Variants in RAD52 observed in about 807,000 individuals in gnomAD.
The protein encoded by RAD52 is RAD52 DNA repair protein.
In RAD52, 47 loss-of-function variants were observed where a neutral mutation model predicts 55.5. The ratio of observed to expected loss-of-function variants is 0.85; its 90% CI spans 0.67 to 1.08. The LOEUF (loss-of-function observed/expected upper bound fraction) is 1.08. Ranked by LOEUF, RAD52 falls within the 50% of genes least tolerant of loss-of-function variation. The probability of loss-of-function intolerance (pLI) is 0.00; values close to 1 mark genes in which losing one functional copy is unlikely to be tolerated. For synonymous variants in RAD52, 184 were observed against 198.9 expected (o/e 0.92, Z 0.63); for missense variants, 468 against 522.8 (o/e 0.90, Z 1.02).
chr12:940,244 C>T (rs528403513), intron 1 of RAD52, among the ~76,000 whole-genome samples: 1 of 152,130 alleles, frequency 6.6e-6, no homozygotes, highest in South Asian at 2.1e-4. Context: ...ACATGCAGAA[C>T]TTGATGAGGT....
In RAD52 at chr12:927,190, T is replaced by C. The variant is rs766364110; in HGVS notation, c.422A>G (p.Lys141Arg). 5 of 1,614,172 alleles carry C rather than the reference T, an allele frequency of 3.1e-6. No individual in the cohort carries two copies. Among genetic ancestry groups the C allele is most frequent in the South Asian group, 2.2e-5 (2 of 91,088 alleles). The change falls in exon 6 of 12, where the codon AAG becomes AGG. Residue 141 changes from lysine to arginine, a missense_variant. Transcript: ENST00000358495. ...GTCTGTCACCGCCTCCTTCCTTGCCTTCTCCAAAGATAAAGCCTTGGACTT... is the reference window on the plus strand; with the variant it reads ...GTCTGTCACCGCCTCCTTCCTTGCCCTCTCCAAAGATAAAGCCTTGGACTT... The part of the protein sequence containing the change: ...GLKSKALSLE[K>R]ARKEAVTDGL...
intron 1 of RAD52, among the ~76,000 whole-genome samples, chr12:940,336 C>T (rs1445525736): frequency 3.3e-5 from 5 of 151,674 alleles, no homozygotes; most frequent in Non-Finnish European, 7.4e-5. Context: ...CGGTGGCTCA[C>T]GCCTGTAATC....
intron 1 of RAD52, among the ~76,000 whole-genome samples, chr12:936,527 C>G (rs1804798109): frequency 6.6e-6 from 1 of 150,744 alleles, no homozygotes; most frequent in African/African-American, 2.4e-5. Flanking sequence ...GCGTCTTGCT[C>G]TGTTACCCAG....
intron 1 of RAD52, among the ~76,000 whole-genome samples, chr12:957,694 G>A (rs766350911): frequency 7.2e-5 from 11 of 152,120 alleles, no homozygotes; most frequent in Non-Finnish European, 1.6e-4. Flanking sequence ...GGAGGCTGAA[G>A]CACAAGAATC....
chr12:959,167 C>T (rs76202538), intron 1 of RAD52, among the ~76,000 whole-genome samples: 10,337 of 152,198 alleles, frequency 0.068, 418 homozygotes, highest in African/African-American at 0.085. Context: ...ATTTAGTTCT[C>T]AAAAGGATTC....
intron 2 of RAD52, among the ~76,000 whole-genome samples, chr12:932,508 A>G (rs1957374124): frequency 6.6e-6 from 1 of 152,120 alleles, no homozygotes; most frequent in Non-Finnish European, 1.5e-5. Context: ...AAAAAAAAGA[A>G]ATAGAACTGG....
intron 1 of RAD52, among the ~76,000 whole-genome samples, chr12:980,603 C>CTT (rs71055114): frequency 1.4e-5 from 2 of 140,792 alleles, no homozygotes; most frequent in African/African-American, 5.3e-5. Flanking sequence ...CTCTTTCTTT[C>CTT]TTTTTTTTTT....
At chr12:914,375 C>G (rs1592305492) in intron 10 of RAD52, 56 bp downstream of exon 10, 2 of 1,601,482 alleles carry the variant, frequency 1.2e-6, no homozygotes, top group East Asian at 4.5e-5. Flanking sequence ...AAAAGGTATT[C>G]TGTGGCTACT....
intron 1 of RAD52, among the ~76,000 whole-genome samples, chr12:943,927 C>T (rs922934613): frequency 1.3e-5 from 2 of 151,922 alleles, no homozygotes; most frequent in African/African-American, 2.4e-5. Flanking sequence ...TAGGTCTGGG[C>T]GGGGCCCGCT....
At chr12:949,966 C>A (rs967915287), upstream of RAD52, among the ~76,000 whole-genome samples, 3 of 152,192 alleles carry the variant, frequency 2.0e-5, no homozygotes, top group Non-Finnish European at 2.9e-5. Context: ...ATCTCTGCTG[C>A]CCCCTGGTGG....
intron 1 of RAD52, among the ~76,000 whole-genome samples, chr12:984,779 C>T (rs1959064685): frequency 6.6e-6 from 1 of 152,170 alleles, no homozygotes; most frequent in Non-Finnish European, 1.5e-5. Context: ...ATTCTCCTGC[C>T]TCAGCCTCCC....
At chr12:913,852 G>A in intron 11 of RAD52, 42 bp downstream of exon 11, 1 of 1,538,824 alleles carries the variant, frequency 6.5e-7, no homozygotes, top group Non-Finnish European at 9.0e-7. Flanking sequence ...ATTAAAGCTA[G>A]GATCTCCCCT....
intron 9 of RAD52, among the ~76,000 whole-genome samples, chr12:915,716 T>C (rs1365865705): frequency 1.9e-5 from 1 of 51,754 alleles, no homozygotes; most frequent in Non-Finnish European, 4.7e-5. Context: ...CTTGTTTTTT[T>C]TTTGTTTTGT....
intron 2 of RAD52, among the ~76,000 whole-genome samples, chr12:932,449 C>T (rs770540886): frequency 5.3e-5 from 8 of 151,754 alleles, no homozygotes; most frequent in Admixed American, 2.0e-4. Context: ...GAGCTGAGAT[C>T]GCACCACTGC....
intron 5 of RAD52, among the ~76,000 whole-genome samples, chr12:927,903 T>C (rs1362089351): frequency 2.7e-5 from 4 of 150,856 alleles, no homozygotes; most frequent in Non-Finnish European, 5.9e-5. Context: ...AACAAAGGGA[T>C]GATTTGAACA....
At chr12:933,418 C>G (rs1957444726) in intron 1 of RAD52, among the ~76,000 whole-genome samples, 1 of 150,940 alleles carries the variant, frequency 6.6e-6, no homozygotes, top group Admixed American at 6.6e-5. Context: ...AGATCACACC[C>G]TGCACTCCAG....
intron 1 of RAD52, among the ~76,000 whole-genome samples, chr12:969,393 G>T (rs902419710): frequency 4.6e-5 from 7 of 151,848 alleles, no homozygotes; most frequent in Non-Finnish European, 8.8e-5. Flanking sequence ...TGCACTAATT[G>T]TATTATATTT....
chr12:937,714 C>T (rs1425577380), intron 1 of RAD52, among the ~76,000 whole-genome samples: 1 of 152,148 alleles, frequency 6.6e-6, no homozygotes, highest in Non-Finnish European at 1.5e-5. Flanking sequence ...GTGTGAGCCA[C>T]CGCGCCCAGC....
At chr12:920,352 C>G (rs1457280305) in intron 7 of RAD52, among the ~76,000 whole-genome samples, 3 of 117,016 alleles carry the variant, frequency 2.6e-5, no homozygotes, top group Admixed American at 2.5e-4. Context: ...GTCAGGATAT[C>G]GAGACCATCC....
Sources: gnomAD v4.1 joint callset for allele counts (sites outside exome capture counted in the v4.1 genomes callset) on GRCh38, gnomAD v4.1.1 for gene constraint, MANE v1.5 for transcripts, NCBI Gene and HGNC (gene_info 2026-07-23, HGNC 2026-07-21) for gene names.